The following XPR1 variants were observed in gnomAD, a reference collection of about 807,000 sequenced individuals.
The protein encoded by XPR1 is solute carrier family 53 member 1.
In XPR1, 28 loss-of-function variants were observed where a neutral mutation model predicts 87.5. The observed-to-expected ratio is 0.32, with a 90% CI of 0.24 to 0.44. The LOEUF is 0.44. Ranked by LOEUF, XPR1 falls within the 20% of genes least tolerant of loss-of-function variation. XPR1 has a pLI of 1.00. For synonymous variants in XPR1, 300 were observed against 306.1 expected (o/e 0.98, Z 0.21); for missense variants, 559 against 862.3 (o/e 0.65, Z 4.41).
chr1:180,790,304 A>G (rs1168943751), intron 3 of XPR1, among the ~76,000 whole-genome samples: 1 of 152,136 alleles, frequency 6.6e-6, no homozygotes, highest in Admixed American at 6.5e-5. Flanking sequence ...TTAAATAAAT[A>G]TATTTAACTT....
intron 1 of XPR1, among the ~76,000 whole-genome samples, chr1:180,672,168 C>A (rs1040853049): frequency 6.6e-6 from 1 of 152,074 alleles, no homozygotes; most frequent in African/African-American, 2.4e-5. Flanking sequence ...AAATTGATTC[C>A]TCCTATTACA....
chr1:180,691,264 C>G (rs2101957369), intron 2 of XPR1, among the ~76,000 whole-genome samples: 1 of 152,070 alleles, frequency 6.6e-6, no homozygotes, highest in East Asian at 1.9e-4. Flanking sequence ...TGCCTCCTTT[C>G]AAAGATACAT....
intron 11 of XPR1, among the ~76,000 whole-genome samples, chr1:180,853,455 A>G (rs1375267701): frequency 6.6e-6 from 1 of 152,076 alleles, no homozygotes; most frequent in Non-Finnish European, 1.5e-5. Flanking sequence ...AGGCATTTTT[A>G]TCATAGCTGC....
chr1:180,785,025 G>GTGTA (rs1291276170), intron 2 of XPR1, among the ~76,000 whole-genome samples: 1 of 150,512 alleles, frequency 6.6e-6, no homozygotes. Context: ...GTGTGTGTGT[G>GTGTA]TGTGTGTGTG....
In XPR1 at chr1:180,815,817, C is replaced by T. The variant is rs60399027; in HGVS notation, c.763+4329C>T. Among the ~76,000 whole-genome samples, 1,182 of 152,124 alleles carry T rather than the reference C, an allele frequency of 7.8e-3. 16 individuals are homozygous for T. Among genetic ancestry groups the T allele is most frequent in the African/African-American group, 0.027 (1,129 of 41,500 alleles). ...CTGGTACACTAGTGGTAAGAGTACT[C>T]ATTGTTGCTATCTCTTTGGAGGATA... On this transcript the variant is annotated intron_variant, in intron 7 of 14. Coordinates refer to ENST00000367590, the MANE Select transcript of XPR1 (RefSeq NM_004736.4).
intron 9 of XPR1, among the ~76,000 whole-genome samples, chr1:180,833,333 A>C (rs563663422): frequency 9.3e-4 from 141 of 152,324 alleles, no homozygotes; most frequent in Non-Finnish European, 1.5e-3. Flanking sequence ...AACAATATTA[A>C]CCTTAAATGT....
chr1:180,686,517 C>G (rs1478149549), intron 2 of XPR1, among the ~76,000 whole-genome samples: 1 of 152,108 alleles, frequency 6.6e-6, no homozygotes, highest in African/African-American at 2.4e-5. Context: ...TGGTGCAGAG[C>G]TGAGTTCAAT....
In XPR1 at chr1:180,887,519, CAATG is replaced by C. The variant is rs1653051951; in HGVS notation, c.*3456_*3459del. The C allele has an allele frequency of 6.6e-6, 1 of 152,086 alleles. No homozygotes were observed. The highest frequency in any genetic ancestry group is 1.5e-5 in the Non-Finnish European group (1 of 68,018). The allele number at this position is 152,086 out of a possible 1,614,324, so 9.4% of individuals were successfully genotyped here. On this transcript the variant is annotated 3_prime_UTR_variant, in exon 15 of 15. Coordinates refer to ENST00000367590, the MANE Select transcript of XPR1 (RefSeq NM_004736.4). ...GGTGATTTCATAGCATACAGAGAAACAATGAAATCAAAGATTAAATCATTAGGTT... is the reference window on the plus strand; with the variant it reads ...GGTGATTTCATAGCATACAGAGAAACAAATCAAAGATTAAATCATTAGGTT...
At chr1:180,709,043 C>T (rs1027587697) in intron 2 of XPR1, among the ~76,000 whole-genome samples, 1 of 151,680 alleles carries the variant, frequency 6.6e-6, no homozygotes, top group Non-Finnish European at 1.5e-5. Flanking sequence ...TCCTGAGTAG[C>T]TGGGATTACA....
At chr1:180,836,870 A>G in intron 11 of XPR1, 154 bp downstream of exon 11, 1 of 807,802 alleles carries the variant, frequency 1.2e-6, no homozygotes, top group East Asian at 2.6e-5. Context: ...TCTTGAATGC[A>G]GTTTTAGTCT....
chr1:180,800,683 C>T (rs929376276), intron 3 of XPR1, among the ~76,000 whole-genome samples: 1 of 152,194 alleles, frequency 6.6e-6, no homozygotes, highest in Non-Finnish European at 1.5e-5. Flanking sequence ...ATACAAAAGC[C>T]AATGACGAGT....
In XPR1 at chr1:180,714,212, G is replaced by A. The variant is rs145367962; in HGVS notation, c.121+31801G>A. Among the ~76,000 whole-genome samples, 397 of 151,678 alleles carry A rather than the reference G, an allele frequency of 2.6e-3. 1 individual carries two copies. Among genetic ancestry groups the A allele is most frequent in the African/African-American group, 9.0e-3 (372 of 41,326 alleles). ...TGTCAACTCTCACATTCCTGATATTGGCCATTTGTGTTGTCTTCGTTCCCT... is the reference window on the plus strand; with the variant it reads ...TGTCAACTCTCACATTCCTGATATTAGCCATTTGTGTTGTCTTCGTTCCCT... On this transcript the variant is annotated intron_variant, in intron 2 of 14. Coordinates refer to ENST00000367590, the MANE Select transcript of XPR1 (RefSeq NM_004736.4).
chr1:180,683,672 A>T (rs1043084052), intron 2 of XPR1, among the ~76,000 whole-genome samples: 1 of 152,056 alleles, frequency 6.6e-6, no homozygotes, highest in African/African-American at 2.4e-5. Flanking sequence ...CTGGTGTGAG[A>T]TGGTATCCCA....
At chr1:180,854,249 A>G (rs1467408596) in intron 11 of XPR1, among the ~76,000 whole-genome samples, 1 of 152,252 alleles carries the variant, frequency 6.6e-6, no homozygotes, top group Non-Finnish European at 1.5e-5. Context: ...GCAGGTCAGG[A>G]AACTAAGCTT....
intron 9 of XPR1, among the ~76,000 whole-genome samples, chr1:180,833,928 G>T (rs1171107840): frequency 2.0e-5 from 3 of 152,040 alleles, no homozygotes; most frequent in African/African-American, 7.2e-5. Context: ...TTAACTGTGA[G>T]TTTTTGAATC....
At chr1:180,840,532 TTGTGTGTGTGTG>T (rs373937004) in intron 11 of XPR1, among the ~76,000 whole-genome samples, 6 of 110,448 alleles carry the variant, frequency 5.4e-5, no homozygotes, top group African/African-American at 1.0e-4. Context: ...GTTAACATAT[TTGTGTGTGTGTG>T]TGTGTGTGTG....
At chr1:180,794,633 A>G (rs1649504850) in intron 3 of XPR1, among the ~76,000 whole-genome samples, 1 of 152,234 alleles carries the variant, frequency 6.6e-6, no homozygotes, top group African/African-American at 2.4e-5. Flanking sequence ...AAAAGCCTTT[A>G]GAAGAAGTGA....
At chr1:180,746,853 T>G (rs1038905553) in intron 2 of XPR1, among the ~76,000 whole-genome samples, 5 of 152,122 alleles carry the variant, frequency 3.3e-5, no homozygotes, top group South Asian at 2.1e-4. Context: ...AGATCTTTTT[T>G]GGGGGTTGGG....
chr1:180,693,082 A>G (rs986683275), intron 2 of XPR1, among the ~76,000 whole-genome samples: 6 of 152,352 alleles, frequency 3.9e-5, no homozygotes, highest in Middle Eastern at 3.4e-3. Flanking sequence ...TCATGGAACA[A>G]AAAAGTTCTG....
Sources: allele counts gnomAD v4.1 joint callset (sites outside exome capture counted in the v4.1 genomes callset), GRCh38; gene constraint gnomAD v4.1.1; transcripts MANE v1.5; gene names NCBI Gene and HGNC (gene_info 2026-07-23, HGNC 2026-07-21).